The following AGPAT3 variants were observed in gnomAD, a reference collection of about 807,000 sequenced individuals.
The protein encoded by AGPAT3 is 1-acylglycerol-3-phosphate O-acyltransferase 3, also known as 1-acyl-sn-glycerol-3-phosphate acyltransferase gamma.
Under a neutral mutation model 47.3 loss-of-function variants are expected in AGPAT3, and 5 were observed. That is an observed-to-expected ratio of 0.11 (90% CI 0.06 to 0.22). The LOEUF (loss-of-function observed/expected upper bound fraction) is 0.22. AGPAT3 is among the 10% of genes least tolerant of loss of function. AGPAT3 has a pLI of 1.00. For synonymous variants in AGPAT3, 212 were observed against 208.3 expected (o/e 1.02, Z -0.15); for missense variants, 315 against 493.0 (o/e 0.64, Z 3.42).
chr21:43,948,854 A>G (rs1374018331), intron 2 of AGPAT3, among the ~76,000 whole-genome samples: 4 of 152,240 alleles, frequency 2.6e-5, no homozygotes, highest in East Asian at 1.9e-4. Flanking sequence ...CTTCATGCAC[A>G]TGGGATCCAA....
intron 5 of AGPAT3, 28 bp downstream of exon 5, chr21:43,969,307 T>C (rs375530312): frequency 1.2e-6 from 2 of 1,611,108 alleles, no homozygotes; most frequent in Admixed American, 3.3e-5. Flanking sequence ...CCCGATACCC[T>C]GCATGCCTGG....
At chr21:43,931,232 G>C (rs1254214592) in intron 2 of AGPAT3, among the ~76,000 whole-genome samples, 1 of 152,186 alleles carries the variant, frequency 6.6e-6, no homozygotes, top group Non-Finnish European at 1.5e-5. Flanking sequence ...CCCGCATCTG[G>C]TGCTAGTGAC....
Position 43,930,662 on chromosome 21 carries a change from C to T in AGPAT3, c.-49+26643C>T, listed in dbSNP as rs1319751662. Among the ~76,000 whole-genome samples, 1 of 150,082 alleles carries T rather than the reference C, an allele frequency of 6.7e-6. No homozygotes were observed. The highest frequency in any genetic ancestry group is 2.5e-5 in the African/African-American group (1 of 40,564). ...TGTTTCTGTCGGGATGAGGGGAAGG[C>T]GGGGATGAGGTGGGGGTGCACACCT... On this transcript the variant is annotated intron_variant, in intron 2 of 9. Transcript: ENST00000291572. The surrounding 1 kb of genome is among the most constrained non-coding windows in gnomAD (Gnocchi z 5.0).
At chr21:43,963,799 C>G (rs968189655) in intron 3 of AGPAT3, among the ~76,000 whole-genome samples, 2 of 151,778 alleles carry the variant, frequency 1.3e-5, no homozygotes, top group Non-Finnish European at 2.9e-5. Flanking sequence ...GCAGTGAGGC[C>G]GACAGCAGAT....
intron 1 of AGPAT3, among the ~76,000 whole-genome samples, chr21:43,865,729 C>G (rs1460028683): frequency 6.6e-6 from 1 of 151,524 alleles, no homozygotes; most frequent in Non-Finnish European, 1.5e-5. Context: ...TGGGTTCCCG[C>G]GGGGACGTCC....
rs1285136324 is a variant in AGPAT3, at chr21:43,934,967, T to C, written c.-48-24667T>C. Among the ~76,000 whole-genome samples, 2 of 145,650 alleles carry C rather than the reference T, an allele frequency of 1.4e-5. No individual in the cohort carries two copies. Among genetic ancestry groups the C allele is most frequent in the Admixed American group, 1.4e-4 (2 of 14,744 alleles). On this transcript the variant is annotated intron_variant, in intron 2 of 9. Coordinates refer to ENST00000291572, the MANE Select transcript of AGPAT3 (RefSeq NM_020132.5). The surrounding 1 kb of genome is among the most constrained non-coding windows in gnomAD (Gnocchi z 4.7). ...CCACTCACATGCCACTCACATGCCA[T>C]TGACACGCCACCACGCCACTTACGC...
At chr21:43,901,289 C>G (rs1307930362) in intron 1 of AGPAT3, among the ~76,000 whole-genome samples, 1 of 143,062 alleles carries the variant, frequency 7.0e-6, no homozygotes, top group East Asian at 2.0e-4. Flanking sequence ...TGCCACTGTA[C>G]TCTAGTCCAG....
At chr21:43,937,874 G>C (rs1601358238) in intron 2 of AGPAT3, among the ~76,000 whole-genome samples, 1 of 152,298 alleles carries the variant, frequency 6.6e-6, no homozygotes, top group East Asian at 1.9e-4. Context: ...CATAGCCATT[G>C]CCTTCTATAC....
intron 2 of AGPAT3, among the ~76,000 whole-genome samples, chr21:43,957,840 C>G (rs889959266): frequency 6.6e-6 from 1 of 151,976 alleles, no homozygotes; most frequent in Non-Finnish European, 1.5e-5. Context: ...CCCCTCCACA[C>G]GGGGGTTGTA....
intron 3 of AGPAT3, among the ~76,000 whole-genome samples, chr21:43,963,876 C>CTA (rs2088999626): frequency 6.6e-6 from 1 of 152,062 alleles, no homozygotes; most frequent in Admixed American, 6.6e-5. Flanking sequence ...AATCACCAAC[C>CTA]TAGCACCCTG....
chr21:43,930,712 A>G lies in AGPAT3; in HGVS notation c.-49+26693A>G, dbSNP rs1285525051. 6.6e-6 allele frequency among the ~76,000 whole-genome samples: 1 copy of G among 152,052 alleles called. No individual in the cohort carries two copies. Among genetic ancestry groups the G allele is most frequent in the Non-Finnish European group, 1.5e-5 (1 of 67,996 alleles). ...TGGGCTGAGGGGAGCAGAGGGAAGC[A>G]GGGCTTGCTGGCACATTCCCAGGGG... On this transcript the variant is annotated intron_variant, in intron 2 of 9. Transcript: ENST00000291572. This position sits in a 1 kb window ranked among gnomAD's most constrained non-coding sequence, Gnocchi z 5.0.
intron 2 of AGPAT3, among the ~76,000 whole-genome samples, chr21:43,940,022 TAGA>T (rs2087604578): frequency 6.6e-6 from 1 of 152,222 alleles, no homozygotes; most frequent in East Asian, 1.9e-4. Flanking sequence ...TCTCTGTGAC[TAGA>T]AGGACAGTGC....
chr21:43,896,267 T>C (rs1363212738), intron 1 of AGPAT3, among the ~76,000 whole-genome samples: 14 of 152,244 alleles, frequency 9.2e-5, no homozygotes, highest in Admixed American at 9.2e-4. Flanking sequence ...TGTTACTTTT[T>C]TTTCCCCTCG....
chr21:43,972,515 A>G (rs780232366), intron 7 of AGPAT3, among the ~76,000 whole-genome samples: 5 of 152,070 alleles, frequency 3.3e-5, no homozygotes, highest in Non-Finnish European at 5.9e-5. Flanking sequence ...TCCTGTCCCA[A>G]TGAAATAAAA....
chr21:43,895,246 A>G (rs890508817), intron 1 of AGPAT3, among the ~76,000 whole-genome samples: 11 of 151,572 alleles, frequency 7.3e-5, no homozygotes, highest in Admixed American at 2.0e-4. Context: ...CTGGGACTAC[A>G]GGTGCATGCC....
intron 4 of AGPAT3, among the ~76,000 whole-genome samples, chr21:43,968,432 C>T (rs1448681280): frequency 2.1e-5 from 3 of 145,216 alleles, no homozygotes; most frequent in Non-Finnish European, 3.0e-5. Context: ...CTGGGGTGAG[C>T]AAGAGGGCCC....
chr21:43,876,760 T>C (rs2123545966), intron 1 of AGPAT3, among the ~76,000 whole-genome samples: 1 of 152,338 alleles, frequency 6.6e-6, no homozygotes, highest in East Asian at 1.9e-4. Context: ...CAACGTGTAA[T>C]TTCCAGGGTG....
At chr21:43,881,849 G>A (rs1210872918) in intron 1 of AGPAT3, among the ~76,000 whole-genome samples, 6 of 152,158 alleles carry the variant, frequency 3.9e-5, no homozygotes, top group Admixed American at 2.0e-4. Context: ...AGAGACGGGG[G>A]TTTCATCATA....
intron 2 of AGPAT3, among the ~76,000 whole-genome samples, chr21:43,953,640 C>T (rs2088308739): frequency 6.6e-6 from 1 of 152,096 alleles, no homozygotes; most frequent in Admixed American, 6.6e-5. Flanking sequence ...ATTCCAGGAG[C>T]AAGTGGAACG....
Sources: gnomAD v4.1 joint callset for allele counts (sites outside exome capture counted in the v4.1 genomes callset) on GRCh38, gnomAD v4.1.1 for gene constraint, Gnocchi (gnomAD v3.1) non-coding constraint, MANE v1.5 for transcripts, NCBI Gene and HGNC (gene_info 2026-07-23, HGNC 2026-07-21) for gene names.